The following AP2A2 variants were observed in gnomAD, a reference collection of about 807,000 sequenced individuals.
AP2A2 encodes the protein AP-2 complex subunit alpha-2.
Under a neutral mutation model 104.2 loss-of-function variants are expected in AP2A2, and 32 were observed. That is an observed-to-expected ratio of 0.31 (90% CI 0.23 to 0.41). The LOEUF is 0.41. Among genes scored for constraint, AP2A2 ranks in the 10% least tolerant of loss-of-function variants. The pLI is 1.00. For synonymous variants in AP2A2, 539 were observed against 533.3 expected (o/e 1.01, Z -0.15); for missense variants, 912 against 1,261.0 (o/e 0.72, Z 4.19).
At chr11:958,961 CTG>C (rs1426693097) in intron 1 of AP2A2, among the ~76,000 whole-genome samples, 2 of 152,280 alleles carry the variant, frequency 1.3e-5, no homozygotes, top group South Asian at 2.1e-4. Flanking sequence ...GAGGAAGAAA[CTG>C]TGGAGGTGAA....
At chr11:960,525 A>G (rs1386932716) in intron 2 of AP2A2, among the ~76,000 whole-genome samples, 1 of 152,068 alleles carries the variant, frequency 6.6e-6, no homozygotes, top group African/African-American at 2.4e-5. Flanking sequence ...GGCATGAGCC[A>G]CTGTGCCCGG....
intron 18 of AP2A2, 115 bp downstream of exon 18, chr11:1,008,250 G>A: frequency 7.3e-7 from 1 of 1,378,806 alleles, no homozygotes; most frequent in Non-Finnish European, 9.6e-7. Flanking sequence ...GCGTGCGGGT[G>A]CTCACGGTGC....
At chr11:1,004,008 AG>A (rs1455539930) in intron 16 of AP2A2, among the ~76,000 whole-genome samples, 1 of 132,834 alleles carries the variant, frequency 7.5e-6, no homozygotes, top group African/African-American at 2.8e-5. Context: ...CTACAACCAG[AG>A]GGGGTGGCGG....
chr11:1,002,650 C>G (rs551307166), intron 15 of AP2A2, among the ~76,000 whole-genome samples: 7 of 152,392 alleles, frequency 4.6e-5, no homozygotes, highest in Non-Finnish European at 8.8e-5. Flanking sequence ...GTCACTGCCC[C>G]TTGCCGTCTG....
At chr11:976,850 T>A (rs1589985050) in intron 4 of AP2A2, among the ~76,000 whole-genome samples, 1 of 152,354 alleles carries the variant, frequency 6.6e-6, no homozygotes, top group South Asian at 2.1e-4. Flanking sequence ...CAATGTGAGC[T>A]GCATGTGGTC....
chr11:950,023 C>T (rs191842523), intron 1 of AP2A2, among the ~76,000 whole-genome samples: 198 of 152,172 alleles, frequency 1.3e-3, no homozygotes, highest in Admixed American at 2.2e-3. Context: ...AGGACAGATA[C>T]GTAGATACTG....
intron 14 of AP2A2, among the ~76,000 whole-genome samples, chr11:999,001 T>G (rs1202038090): frequency 6.6e-6 from 1 of 151,970 alleles, no homozygotes; most frequent in Non-Finnish European, 1.5e-5. Context: ...TGGGTGTCCT[T>G]TTTATAGGGA....
Position 1,000,563 on chromosome 11 carries a change from G to A in AP2A2, c.2088G>A (p.Ala696=), listed in dbSNP as rs764077237. ...DVFSDSASVV[A]PLAPGSEDNF... ...TCTCAGACTCGGCCTCTGTGGTCGCGCCTCTCGCTCCTGGCTCCGAAGACA... is the reference window on the plus strand; with the variant it reads ...TCTCAGACTCGGCCTCTGTGGTCGCACCTCTCGCTCCTGGCTCCGAAGACA... Residue 696 remains alanine (A), a synonymous_variant, in exon 15 of 22, where the codon GCG becomes GCA. Transcript: ENST00000448903. 23 of 1,550,280 alleles carry A rather than the reference G, an allele frequency of 1.5e-5. No individual in the cohort carries two copies. The highest frequency in any genetic ancestry group is 4.1e-5 in the African/African-American group (3 of 73,638).
chr11:970,292 G>A lies in AP2A2; in HGVS notation c.260G>A (p.Arg87Lys). ...MEAVNLLSSN[R>K]YTEKQIGYLF... is the part of the protein sequence containing the mutation. ...GCTGTGAACCTGCTGAGTTCAAACA[G>A]ATACACGGAAAAGCAGATCGTGAGT... Residue 87 changes from arginine to lysine, a missense_variant, in exon 3 of 22, where the codon AGA becomes AAA. Physicochemically the swap from Arg to Lys is conservative, Grantham distance 26. Around this residue, in one of 7 missense-constraint regions of AP2A2, gnomAD observed 350 missense variants for 487.0 expected, o/e 0.72. Coordinates refer to ENST00000448903, the MANE Select transcript of AP2A2 (RefSeq NM_012305.4). 1 of 1,613,794 alleles carries A rather than the reference G, an allele frequency of 6.2e-7. No individual in the cohort carries two copies. Among genetic ancestry groups the A allele is most frequent in the Non-Finnish European group, 8.5e-7 (1 of 1,179,764 alleles).
At chr11:1,009,269 A>C (rs1044428749) in intron 19 of AP2A2, 53 bp downstream of exon 19, 2 of 1,609,898 alleles carry the variant, frequency 1.2e-6, no homozygotes, top group Non-Finnish European at 1.7e-6. Context: ...GCTCATTTGA[A>C]AAGGTGGGTT....
intron 2 of AP2A2, among the ~76,000 whole-genome samples, chr11:960,082 G>A (rs1475564295): frequency 3.3e-5 from 5 of 152,114 alleles, no homozygotes; most frequent in Admixed American, 2.0e-4. Context: ...CCTTAGCCAC[G>A]GTGTAGCTGA....
At position 993,762 on chromosome 11, in the gene AP2A2, T is replaced by C; in HGVS notation, c.1559T>C (p.Ile520Thr). 6.3e-7 allele frequency: 1 copy of C among 1,595,722 alleles called. No homozygotes were observed. Among genetic ancestry groups the C allele is most frequent in the Non-Finnish European group, 8.5e-7 (1 of 1,174,068 alleles). Residue 520 changes from isoleucine to threonine, a missense_variant, in exon 13 of 22, where the codon ATC becomes ACC. Ile to Thr is a moderately conservative substitution (Grantham distance 89, BLOSUM62 -1). This residue lies in a region of AP2A2 where 137 missense variants were observed against 186.9 expected (regional missense o/e 0.73). Coordinates refer to ENST00000448903, the MANE Select transcript of AP2A2 (RefSeq NM_012305.4). The surrounding 1 kb of genome is among the most constrained non-coding windows in gnomAD (Gnocchi z 8.2). ...TGCCTCCCCGTCCCCAGCCCGCTGA[T>C]CCAGTTCCACCTGCTGCACTCCAAG... is the stretch of plus-strand genomic sequence containing the variant. ...IAGDPRSSPL[I>T]QFHLLHSKFH...
At chr11:960,331 C>A (rs1854388600) in intron 2 of AP2A2, among the ~76,000 whole-genome samples, 1 of 152,154 alleles carries the variant, frequency 6.6e-6, no homozygotes, top group Non-Finnish European at 1.5e-5. Context: ...CAACCTCCGC[C>A]TTCCAGGTTC....
At chr11:927,663 G>A (rs924824967) in intron 1 of AP2A2, among the ~76,000 whole-genome samples, 2 of 151,686 alleles carry the variant, frequency 1.3e-5, no homozygotes, top group Admixed American at 6.6e-5. Context: ...AAAAAAATAC[G>A]AAAATTAGCT....
At chr11:990,500 G>T (rs893395518) in intron 10 of AP2A2, among the ~76,000 whole-genome samples, 3 of 152,170 alleles carry the variant, frequency 2.0e-5, no homozygotes, top group Non-Finnish European at 4.4e-5. Flanking sequence ...GAGTGCAGTT[G>T]TGCAGATTTT....
chr11:969,892 G>A (rs555785640), intron 2 of AP2A2, among the ~76,000 whole-genome samples: 6 of 152,338 alleles, frequency 3.9e-5, no homozygotes, highest in Non-Finnish European at 8.8e-5. Context: ...GGCTGCACCT[G>A]CCCAGGGTTG....
chr11:1,005,821 G>A (rs1415932469), intron 16 of AP2A2, among the ~76,000 whole-genome samples: 1 of 152,210 alleles, frequency 6.6e-6, no homozygotes, highest in Non-Finnish European at 1.5e-5. Context: ...ATAGCTTCAC[G>A]AGGTGTTGGT....
At chr11:955,490 G>C (rs114751544) in intron 1 of AP2A2, among the ~76,000 whole-genome samples, 162 of 152,314 alleles carry the variant, frequency 1.1e-3, no homozygotes, top group African/African-American at 3.7e-3. Flanking sequence ...GCCTGCCCAG[G>C]GGTCACTGCT....
chr11:988,195 G>A (rs560213777), intron 9 of AP2A2, among the ~76,000 whole-genome samples: 19 of 152,342 alleles, frequency 1.2e-4, no homozygotes, highest in African/African-American at 4.6e-4. Context: ...AGGCAGTGGG[G>A]TCTTTGGCTG....
Sources: allele counts gnomAD v4.1 joint callset (sites outside exome capture counted in the v4.1 genomes callset), GRCh38; gene constraint gnomAD v4.1.1; regional missense constraint gnomAD v4.1.1; non-coding constraint Gnocchi (gnomAD v3.1); transcripts MANE v1.5; gene names NCBI Gene and HGNC (gene_info 2026-07-23, HGNC 2026-07-21).